CACNB4: variants seen among roughly 807,000 people sequenced by gnomAD.
The protein encoded by CACNB4 is calcium voltage-gated channel auxiliary subunit beta 4.
In CACNB4, 32 loss-of-function variants were observed where a neutral mutation model predicts 71.2. The observed-to-expected ratio is 0.45, with a 90% CI of 0.34 to 0.60. CACNB4 has a LOEUF of 0.60. Ranked by LOEUF, CACNB4 falls within the 20% of genes least tolerant of loss-of-function variation. The probability of loss-of-function intolerance (pLI) is 0.01; values close to 1 mark genes in which losing one functional copy is unlikely to be tolerated. For missense variants in CACNB4, 464 were observed against 647.9 expected (o/e 0.72, Z 3.08); for synonymous variants, 231 against 236.9 (o/e 0.97, Z 0.23).
intron 2 of CACNB4, among the ~76,000 whole-genome samples, chr2:152,087,519 A>T (rs1475164460): frequency 6.6e-6 from 1 of 151,968 alleles, no homozygotes; most frequent in Non-Finnish European, 1.5e-5. Context: ...TAAGAATATG[A>T]TCCATCCTAT....
chr2:151,843,548 T>C (rs1385213041), intron 12 of CACNB4, among the ~76,000 whole-genome samples: 1 of 152,164 alleles, frequency 6.6e-6, no homozygotes, highest in Non-Finnish European at 1.5e-5. Flanking sequence ...ACTCCTGGGC[T>C]CCAGCGATCC....
intron 12 of CACNB4, among the ~76,000 whole-genome samples, chr2:151,845,082 A>G (rs2099837198): frequency 6.6e-6 from 1 of 152,248 alleles, no homozygotes; most frequent in African/African-American, 2.4e-5. Flanking sequence ...AATGAGGTTT[A>G]TATCTACTTG....
intron 2 of CACNB4, among the ~76,000 whole-genome samples, chr2:152,018,791 A>G (rs148702041): frequency 0.01 from 1,404 of 135,698 alleles, 10 homozygotes; most frequent in Non-Finnish European, 0.015. Context: ...GCAACATAGT[A>G]AGACCCTGTC....
rs1400005843 is a variant in CACNB4, at chr2:151,870,365, G to C, written c.699+166C>G. 7 of 708,948 alleles carry C rather than the reference G, an allele frequency of 9.9e-6. No homozygotes were observed. In the South Asian group the frequency reaches 1.0e-4, roughly 10 times the overall value. 43.9% of individuals were successfully genotyped at this position (708,948 alleles called of 1,614,324 possible). ...AGAAGTGTGCAAGAGAGGAAAGAAAGGGCAGAGGGCCTCATGAGCCCCACA... is the reference window on the plus strand; with the variant it reads ...AGAAGTGTGCAAGAGAGGAAAGAAACGGCAGAGGGCCTCATGAGCCCCACA... On this transcript the variant is annotated intron_variant, in intron 8 of 13. Transcript: ENST00000539935.
rs556057245 is a variant in CACNB4, at chr2:151,940,936, C to T, written c.148-57566G>A. Among the ~76,000 whole-genome samples the T allele has an allele frequency of 5.1e-4, 78 of 152,260 alleles. 1 individual carries two copies. Among genetic ancestry groups the T allele is most frequent in the Non-Finnish European group, 8.4e-4 (57 of 68,014 alleles). On this transcript the variant is annotated intron_variant, in intron 2 of 13. Coordinates refer to ENST00000539935, the MANE Select transcript of CACNB4 (RefSeq NM_000726.5). ...CTGGCTGGGTTCATTTTTGACATTT[C>T]CTTGCAGGTAGTAAATGGGAATGTA...
intron 2 of CACNB4, among the ~76,000 whole-genome samples, chr2:151,928,623 C>CCAAA (rs1473814074): frequency 2.6e-5 from 4 of 152,192 alleles, no homozygotes; most frequent in Non-Finnish European, 5.9e-5. Context: ...GTAAATAGTT[C>CCAAA]CAAACAAACA....
At chr2:151,951,494 A>T (rs1055989623) in intron 2 of CACNB4, among the ~76,000 whole-genome samples, 1 of 152,198 alleles carries the variant, frequency 6.6e-6, no homozygotes, top group African/African-American at 2.4e-5. Flanking sequence ...GCAGCATCAG[A>T]AAGATCAGTG....
At chr2:152,035,675 A>G (rs1384736344) in intron 2 of CACNB4, among the ~76,000 whole-genome samples, 3 of 140,758 alleles carry the variant, frequency 2.1e-5, no homozygotes, top group African/African-American at 5.3e-5. Context: ...ATATGTATGT[A>G]TGTATTAAGA....
At chr2:152,043,662 G>A (rs1684990241) in intron 2 of CACNB4, among the ~76,000 whole-genome samples, 1 of 151,812 alleles carries the variant, frequency 6.6e-6, no homozygotes. Context: ...GGGACTATGT[G>A]CGTGTATACA....
At chr2:152,042,868 G>C (rs1684949087) in intron 2 of CACNB4, among the ~76,000 whole-genome samples, 2 of 152,126 alleles carry the variant, frequency 1.3e-5, no homozygotes, top group Admixed American at 1.3e-4. Context: ...CAAAGACCTT[G>C]CTGATAAAAC....
In CACNB4 at chr2:152,098,981, T is replaced by TC; in HGVS notation, c.30dup (p.Thr11AspfsTer51). 1 of 1,533,264 alleles carries TC rather than the reference T, an allele frequency of 6.5e-7. No homozygotes were observed. Among genetic ancestry groups the TC allele is most frequent in the Non-Finnish European group, 8.8e-7 (1 of 1,142,706 alleles). 95.0% of individuals were successfully genotyped at this position (1,533,264 alleles called of 1,614,324 possible). A position where few individuals can be genotyped will look rare whatever the true frequency, so the allele number is the denominator to read the frequency against. On this transcript the variant is annotated frameshift_variant, in exon 1 of 14. Coordinates refer to ENST00000539935, the MANE Select transcript of CACNB4 (RefSeq NM_000726.5). LOFTEE classifies it high-confidence loss of function. This position sits in a 1 kb window ranked among gnomAD's most constrained non-coding sequence, Gnocchi z 5.3. The stretch of plus-strand genomic sequence containing the variant: ...GTGGGGGAGTGCGGCCCGTCCGCGG[T>TC]CCCGTTCTTGGCGTAGGAGGAGGAG...
At chr2:151,860,353 G>C (rs906834440) in intron 10 of CACNB4, 2 of 260,442 alleles carry the variant, frequency 7.7e-6, no homozygotes, top group Non-Finnish European at 1.4e-5. Context: ...TGAACACCTC[G>C]TTTCCTTTTA....
chr2:151,898,424 C>A (rs973407218), intron 2 of CACNB4, among the ~76,000 whole-genome samples: 1 of 152,174 alleles, frequency 6.6e-6, no homozygotes, highest in Admixed American at 6.5e-5. Flanking sequence ...AATTCAAGGC[C>A]GGCACTCTCA....
At chr2:151,945,229 T>C (rs7565405) in intron 2 of CACNB4, among the ~76,000 whole-genome samples, 69,622 of 152,148 alleles carry the variant, frequency 0.46, 19,792 homozygotes, top group Non-Finnish European at 0.64. Flanking sequence ...GTTTTGAAGA[T>C]AGTTTTATCC....
intron 2 of CACNB4, among the ~76,000 whole-genome samples, chr2:152,003,968 C>T (rs929915390): frequency 6.6e-6 from 1 of 152,136 alleles, no homozygotes; most frequent in African/African-American, 2.4e-5. Flanking sequence ...CCTCTGCCTC[C>T]CAAGTACTCG....
chr2:151,904,023 A>G (rs1247011011), intron 2 of CACNB4, among the ~76,000 whole-genome samples: 1 of 152,150 alleles, frequency 6.6e-6, no homozygotes, highest in Non-Finnish European at 1.5e-5. Flanking sequence ...TGGGACTCAT[A>G]TTTCTTTGCA....
chr2:151,840,982 A>G lies in CACNB4; in HGVS notation c.1302+921T>C, dbSNP rs114860303. 7.2e-3 allele frequency among the ~76,000 whole-genome samples: 1,089 copies of G among 152,252 alleles called. 9 individuals are homozygous for G. Among genetic ancestry groups the G allele is most frequent in the African/African-American group, 0.025 (1,025 of 41,538 alleles). ...TTCCCTATCTCTACCTCTGAGTGCA[A>G]TACCAGAACAGCAGAAGGGAGAACC... is the stretch of plus-strand genomic sequence containing the variant. On this transcript the variant is annotated intron_variant, in intron 13 of 13. Transcript: ENST00000539935.
intron 2 of CACNB4, among the ~76,000 whole-genome samples, chr2:151,955,625 G>T (rs935813124): frequency 6.6e-6 from 1 of 152,190 alleles, no homozygotes; most frequent in Admixed American, 6.5e-5. Flanking sequence ...GGGTGCAGTG[G>T]CTCACATCTG....
At chr2:151,877,079 C>G (rs11687272) in intron 4 of CACNB4, among the ~76,000 whole-genome samples, 10,341 of 86,586 alleles carry the variant, frequency 0.12, 857 homozygotes, top group East Asian at 0.5. Context: ...ACATAGATAT[C>G]TATATATACA....
Sources: allele counts gnomAD v4.1 joint callset (sites outside exome capture counted in the v4.1 genomes callset), GRCh38; gene constraint gnomAD v4.1.1; non-coding constraint Gnocchi (gnomAD v3.1); transcripts MANE v1.5; gene names NCBI Gene and HGNC (gene_info 2026-07-23, HGNC 2026-07-21).